Variants in TCF12 observed in about 807,000 individuals in gnomAD.
TCF12 encodes DNA-binding protein HTF4.
Under a neutral mutation model 86.0 loss-of-function variants are expected in TCF12, and 45 were observed. The observed-to-expected ratio is 0.52, with a 90% CI of 0.41 to 0.67. TCF12 has a LOEUF of 0.67. Ranked by LOEUF, TCF12 falls within the 30% of genes least tolerant of loss-of-function variation. TCF12 has a pLI of 0.00. For synonymous variants in TCF12, 330 were observed against 299.6 expected (o/e 1.10, Z -1.05); for missense variants, 881 against 859.9 (o/e 1.02, Z -0.31).
At chr15:56,963,347 A>G (rs867170996) in intron 3 of TCF12, among the ~76,000 whole-genome samples, 3 of 152,168 alleles carry the variant, frequency 2.0e-5, no homozygotes, top group Admixed American at 6.5e-5. Context: ...CACATGTGCC[A>G]TTTATTAGCA....
At chr15:57,145,984 A>G (rs998164055) in intron 5 of TCF12, among the ~76,000 whole-genome samples, 1 of 152,224 alleles carries the variant, frequency 6.6e-6, no homozygotes, top group Non-Finnish European at 1.5e-5. Context: ...TACAAACTTC[A>G]TGGCCTTGCC....
intron 6 of TCF12, among the ~76,000 whole-genome samples, chr15:57,177,749 C>T (rs1567573204): frequency 6.6e-6 from 1 of 151,574 alleles, no homozygotes; most frequent in Non-Finnish European, 1.5e-5. Context: ...TGAAACAGAT[C>T]TCGCTCTGTC....
intron 16 of TCF12, among the ~76,000 whole-genome samples, chr15:57,256,037 T>C (rs1265749299): frequency 1.3e-5 from 2 of 152,202 alleles, no homozygotes; most frequent in African/African-American, 4.8e-5. Flanking sequence ...CTAGTACTTT[T>C]AGTAGTGGAG....
chr15:57,116,453 C>T (rs1018806455), intron 5 of TCF12, among the ~76,000 whole-genome samples: 15 of 152,106 alleles, frequency 9.9e-5, no homozygotes, highest in Non-Finnish European at 1.6e-4. Context: ...TCAAGAGATG[C>T]TCCCACCTCA....
At chr15:56,934,339 T>G (rs1015864556) in intron 3 of TCF12, among the ~76,000 whole-genome samples, 1 of 152,170 alleles carries the variant, frequency 6.6e-6, no homozygotes, top group Non-Finnish European at 1.5e-5. Context: ...AGTTAACGTT[T>G]TAAAGAGTTA....
intron 3 of TCF12, among the ~76,000 whole-genome samples, chr15:56,987,756 A>G (rs1284359845): frequency 2.0e-5 from 3 of 152,360 alleles, no homozygotes; most frequent in Non-Finnish European, 4.4e-5. Flanking sequence ...TGTCATCTGT[A>G]GACTGATGTG....
At chr15:57,013,048 A>G (rs1378650930) in intron 3 of TCF12, among the ~76,000 whole-genome samples, 1 of 148,074 alleles carries the variant, frequency 6.8e-6, no homozygotes, top group Non-Finnish European at 1.5e-5. Context: ...TTTTTTTTTT[A>G]TGTGTGTGAA....
intron 11 of TCF12, 110 bp downstream of exon 11, chr15:57,232,966 G>A: frequency 6.5e-6 from 4 of 613,906 alleles, no homozygotes; most frequent in Non-Finnish European, 8.8e-6. Flanking sequence ...TTATATATAT[G>A]TATATATGTT....
At chr15:57,064,296 G>A (rs2920268) in intron 4 of TCF12, among the ~76,000 whole-genome samples, 124,566 of 152,156 alleles carry the variant, frequency 0.82, 51,497 homozygotes, top group African/African-American at 0.94. Flanking sequence ...TTAGTTAACA[G>A]TTAAGAGAAA....
At chr15:57,190,267 A>G (rs1166732103) in intron 6 of TCF12, among the ~76,000 whole-genome samples, 1 of 152,228 alleles carries the variant, frequency 6.6e-6, no homozygotes, top group African/African-American at 2.4e-5. Context: ...AAAAAGCTCA[A>G]ACACCAAAGA....
intron 3 of TCF12, among the ~76,000 whole-genome samples, chr15:56,993,129 A>C (rs2073881870): frequency 6.6e-6 from 1 of 152,100 alleles, no homozygotes; most frequent in African/African-American, 2.4e-5. Context: ...ACAACTTAAC[A>C]CAATCTAAAA....
chr15:57,223,123 C>G lies in TCF12; in HGVS notation c.580-8029C>G, dbSNP rs188299362. Among the ~76,000 whole-genome samples the G allele has an allele frequency of 1.2e-3, 177 of 152,082 alleles. 1 individual carries two copies. The highest frequency in any genetic ancestry group is 4.0e-3 in the African/African-American group (167 of 41,546). On this transcript the variant is annotated intron_variant, in intron 8 of 20. Transcript: ENST00000333725. The stretch of plus-strand genomic sequence containing the variant: ...CTTTGTTTATCTGATTTAATTTTCA[C>G]AACCACTGTCATTTAGCTGTTACTA...
chr15:57,168,582 A>C (rs941024106), intron 6 of TCF12, among the ~76,000 whole-genome samples: 4 of 152,190 alleles, frequency 2.6e-5, no homozygotes, highest in African/African-American at 9.7e-5. Flanking sequence ...TTTTTATGAT[A>C]CAAGTTACTG....
rs575079995 is a variant in TCF12 at position 57,261,316 on chromosome 15, A to G, written c.1468-778A>G. ...CTATTCTAATTAGATCTACTACCAA[A>G]TGACCTGCATTGCCTAAAATTTTGC... On this transcript the variant is annotated intron_variant, in intron 16 of 20. Transcript: ENST00000333725. 2.0e-5 allele frequency among the ~76,000 whole-genome samples: 3 copies of G among 152,316 alleles called. No individual in the cohort carries two copies. In the South Asian group the frequency reaches 6.2e-4, roughly 32 times the overall value.
chr15:56,993,437 T>C (rs572340702), intron 3 of TCF12, among the ~76,000 whole-genome samples: 1 of 152,240 alleles, frequency 6.6e-6, no homozygotes, highest in Admixed American at 6.5e-5. Context: ...CCAAGTCAGA[T>C]ACAGTATCAG....
At chr15:57,168,059 C>G (rs894852700) in intron 6 of TCF12, among the ~76,000 whole-genome samples, 8 of 152,112 alleles carry the variant, frequency 5.3e-5, no homozygotes, top group Non-Finnish European at 7.4e-5. Context: ...TACTTGTAGT[C>G]CCAGCTACTT....
chr15:57,002,937 A>G (rs1216173937), intron 3 of TCF12, among the ~76,000 whole-genome samples: 1 of 152,222 alleles, frequency 6.6e-6, no homozygotes. Context: ...AATTGAATTT[A>G]CTGGTAAGCT....
intron 7 of TCF12, among the ~76,000 whole-genome samples, 158 bp from the exon 8 acceptor site, chr15:57,197,615 G>A (rs1403674718): frequency 3.3e-5 from 5 of 152,160 alleles, no homozygotes; most frequent in Non-Finnish European, 5.9e-5. Context: ...ACTGGGACTA[G>A]TTAAAAGGAA....
chr15:57,130,826 G>A (rs1480423286), intron 5 of TCF12, among the ~76,000 whole-genome samples: 1 of 152,162 alleles, frequency 6.6e-6, no homozygotes. Context: ...CTTACGAGTT[G>A]TATGTATTGC....
Sources: gnomAD v4.1 joint callset for allele counts (sites outside exome capture counted in the v4.1 genomes callset) on GRCh38, gnomAD v4.1.1 for gene constraint, MANE v1.5 for transcripts, NCBI Gene and HGNC (gene_info 2026-07-23, HGNC 2026-07-21) for gene names.